CACNG8: variants seen among roughly 807,000 people sequenced by gnomAD.
The protein encoded by CACNG8 is voltage-dependent calcium channel gamma-8 subunit.
In CACNG8, 5 loss-of-function variants were observed where a neutral mutation model predicts 26.9. That is an observed-to-expected ratio of 0.19 (90% CI 0.10 to 0.39). CACNG8 has a LOEUF of 0.39. CACNG8 is among the 10% of genes least tolerant of loss of function. CACNG8 has a pLI of 1.00. For synonymous variants in CACNG8, 321 were observed against 296.7 expected (o/e 1.08, Z -0.84); for missense variants, 473 against 609.4 (o/e 0.78, Z 2.36).
At chr19:53,972,361 C>CTTTTTTTTTTTTTTT (rs577196456) in intron 1 of CACNG8, among the ~76,000 whole-genome samples, 3 of 106,288 alleles carry the variant, frequency 2.8e-5, no homozygotes, top group African/African-American at 7.5e-5. Flanking sequence ...TTCTTCTTTT[C>CTTTTTTTTTTTTTTT]TTTTTTTTTT....
Position 53,982,788 on chromosome 19 carries a change from T to C in CACNG8, c.1217T>C (p.Leu406Pro). 2 of 1,356,820 alleles carry C rather than the reference T, an allele frequency of 1.5e-6. No homozygotes were observed. Among genetic ancestry groups the C allele is most frequent in the Non-Finnish European group, 9.5e-7 (1 of 1,048,118 alleles). The allele number at this position is 1,356,820 out of a possible 1,614,324, so 84.0% of individuals were successfully genotyped here. Residue 406 changes from leucine (L) to proline (P), a missense_variant, in exon 4 of 4, where the codon CTG (leucine) becomes CCG (proline). Physicochemically the swap from Leu to Pro is moderately conservative, Grantham distance 98. Transcript: ENST00000270458. The surrounding 1 kb of genome is among the most constrained non-coding windows in gnomAD (Gnocchi z 8.4). Reference sequence around the variant, plus strand: ...CCCTCTGCGCCCGCCCCCGGGACCCTGGCCAAGGAGGCCGCCGCCTCCAAC... The same window carrying C: ...CCCTCTGCGCCCGCCCCCGGGACCCCGGCCAAGGAGGCCGCCGCCTCCAAC...
At chr19:53,977,946 T>G (rs2069339771) in intron 1 of CACNG8, among the ~76,000 whole-genome samples, 200 bp from the exon 2 acceptor site, 1 of 152,124 alleles carries the variant, frequency 6.6e-6, no homozygotes, top group Admixed American at 6.5e-5. Flanking sequence ...TTCTTTTCTT[T>G]AACAGGCGGG....
Position 53,963,396 on chromosome 19 carries a change from C to T in CACNG8, c.254C>T (p.Ser85Leu), listed in dbSNP as rs767581716. 2 of 1,567,506 alleles carry T rather than the reference C, an allele frequency of 1.3e-6. No individual in the cohort carries two copies. Among genetic ancestry groups the T allele is most frequent in the Non-Finnish European group, 1.7e-6 (2 of 1,165,740 alleles). ...AAGGACCCCGGCGGCCTCACGCACTCGGGCCTCTGGAGGATCTGCTGCCTG... is the reference window on the plus strand; with the variant it reads ...AAGGACCCCGGCGGCCTCACGCACTTGGGCCTCTGGAGGATCTGCTGCCTG... The change falls in exon 1 of 4, where the codon TCG becomes TTG. Residue 85 changes from serine (S) to leucine (L), a missense_variant. By Grantham distance (145) the Ser-to-Leu change is moderately radical. This residue lies in a region of CACNG8 where 69 missense variants were observed against 66.7 expected (regional missense o/e 1.03). Transcript: ENST00000270458.
At chr19:53,977,487 A>G (rs1460918631) in intron 1 of CACNG8, among the ~76,000 whole-genome samples, 1 of 152,120 alleles carries the variant, frequency 6.6e-6, no homozygotes, top group Non-Finnish European at 1.5e-5. Flanking sequence ...TGACCCCTAG[A>G]GGCATACTCC....
chr19:53,963,069 C>A lies in CACNG8; in HGVS notation c.-74C>A, dbSNP rs545505148. The A allele has an allele frequency of 4.1e-5, 40 of 970,468 alleles. No individual in the cohort carries two copies. The highest frequency in any genetic ancestry group is 2.7e-4 in the South Asian group (11 of 41,502). 60.1% of individuals were successfully genotyped at this position (970,468 alleles called of 1,614,324 possible). A position where few individuals can be genotyped will look rare whatever the true frequency, so the allele number is the denominator to read the frequency against. On this transcript the variant is annotated 5_prime_UTR_variant, in exon 1 of 4. Coordinates refer to ENST00000270458, the MANE Select transcript of CACNG8 (RefSeq NM_031895.6). ...GCTTCTGCCTGCGCTGTGAACCCCC[C>A]CCCAGCCGCCGGCACGGCCCCGCCC...
In CACNG8 at chr19:53,989,088, T is replaced by G. The variant is rs1441863024; in HGVS notation, c.*6239T>G. ...TTTGAGACCAGCCTGGGCAATATAG[T>G]AAGACCCCGTCTCTACAAAAATGAA... On this transcript the variant is annotated 3_prime_UTR_variant, in exon 4 of 4. Coordinates refer to ENST00000270458, the MANE Select transcript of CACNG8 (RefSeq NM_031895.6). 3 of 152,162 alleles carry G rather than the reference T, an allele frequency of 2.0e-5. No homozygotes were observed. In the East Asian group the frequency reaches 5.8e-4, roughly 29 times the overall value. The allele number at this position is 152,162 out of a possible 1,614,324, so 9.4% of individuals were successfully genotyped here. A position where few individuals can be genotyped will look rare whatever the true frequency, so the allele number is the denominator to read the frequency against.
rs1362945814 is a variant in CACNG8 at position 53,982,073 on chromosome 19, C to T, written c.509-7C>T. The stretch of plus-strand genomic sequence containing the variant: ...CTCGAGGCTCCCGTCTGACCGTCCC[C>T]GCCCAGGCCTGAGCAACATCATCGG... On this transcript the variant is annotated splice_region_variant and splice_polypyrimidine_tract_variant and intron_variant, in intron 3 of 3. Transcript: ENST00000270458. This position sits in a 1 kb window ranked among gnomAD's most constrained non-coding sequence, Gnocchi z 8.4. The T allele has an allele frequency of 2.6e-6, 4 of 1,556,210 alleles. 1 individual carries two copies. In the South Asian group the frequency reaches 4.8e-5, roughly 18 times the overall value.
intron 2 of CACNG8, among the ~76,000 whole-genome samples, chr19:53,979,564 C>G (rs1600034981): frequency 6.6e-6 from 1 of 151,640 alleles, no homozygotes; most frequent in East Asian, 1.9e-4. Flanking sequence ...GGGAGAAAAA[C>G]AGGGAGAGTG....
At chr19:53,974,201 C>A (rs1342732235) in intron 1 of CACNG8, among the ~76,000 whole-genome samples, 1 of 152,146 alleles carries the variant, frequency 6.6e-6, no homozygotes, top group African/African-American at 2.4e-5. Flanking sequence ...AGTGGAATGA[C>A]ACAGTATTTG....
intron 2 of CACNG8, 125 bp from the exon 3 acceptor site, chr19:53,979,741 GC>G (rs1600035130): frequency 1.0e-6 from 1 of 984,834 alleles, no homozygotes. Context: ...CCAGAACACA[GC>G]CGGAGAGAGA....
In CACNG8 at chr19:53,983,826, G is replaced by C. The variant is rs2069390863; in HGVS notation, c.*977G>C. The C allele has an allele frequency of 6.5e-6, 1 of 152,896 alleles. No homozygotes were observed. The highest frequency in any genetic ancestry group is 2.4e-5 in the African/African-American group (1 of 41,478). 9.5% of individuals were successfully genotyped at this position (152,896 alleles called of 1,614,324 possible). On this transcript the variant is annotated 3_prime_UTR_variant, in exon 4 of 4. Transcript: ENST00000270458. ...GGGCAGGAAGGAGCTTGCAGCGAGG[G>C]CTGAAGGGTAGTGAGGCAGGTGAGC...
chr19:53,979,572 G>C (rs757166146), intron 2 of CACNG8, among the ~76,000 whole-genome samples: 1 of 151,910 alleles, frequency 6.6e-6, no homozygotes, highest in Non-Finnish European at 1.5e-5. Flanking sequence ...AACAGGGAGA[G>C]TGATTTCGAT....
intron 3 of CACNG8, 48 bp downstream of exon 3, chr19:53,980,055 CACGTGTGTGTGT>C: frequency 6.5e-7 from 1 of 1,534,078 alleles, no homozygotes. Context: ...CCTGGGCGCG[CACGTGTGTGTGT>C]GTGTGTGTGT....
intron 3 of CACNG8, among the ~76,000 whole-genome samples, chr19:53,981,523 T>C (rs1325051564): frequency 6.6e-6 from 1 of 151,914 alleles, no homozygotes; most frequent in Non-Finnish European, 1.5e-5. Flanking sequence ...GGGTGGGTCC[T>C]AGACCACCTG....
chr19:53,968,724 G>A (rs989668699), intron 1 of CACNG8, among the ~76,000 whole-genome samples: 1 of 141,382 alleles, frequency 7.1e-6, no homozygotes, highest in Non-Finnish European at 1.5e-5. Flanking sequence ...AGCTGAGATC[G>A]TGCCACTGCA....
intron 1 of CACNG8, 147 bp downstream of exon 1, chr19:53,963,572 G>T (rs1035088031): frequency 2.6e-6 from 2 of 759,486 alleles, no homozygotes; most frequent in Non-Finnish European, 2.0e-6. Context: ...TCCCACTCGC[G>T]CCCCTGACCT....
At chr19:53,975,381 CT>C (rs913896055) in intron 1 of CACNG8, among the ~76,000 whole-genome samples, 14 of 147,992 alleles carry the variant, frequency 9.5e-5, no homozygotes, top group African/African-American at 2.6e-4. Flanking sequence ...TTCAATCATT[CT>C]TTTTTTTTCT....
chr19:53,970,668 CA>C (rs1381922379), intron 1 of CACNG8, among the ~76,000 whole-genome samples: 1 of 151,582 alleles, frequency 6.6e-6, no homozygotes, highest in Non-Finnish European at 1.5e-5. Context: ...GCCACTGGCT[CA>C]CCCCTGTAAT....
At chr19:53,965,983 C>T (rs910994749) in intron 1 of CACNG8, among the ~76,000 whole-genome samples, 1 of 152,020 alleles carries the variant, frequency 6.6e-6, no homozygotes, top group African/African-American at 2.4e-5. Context: ...GTGAGGTCAG[C>T]GTGGCCGGGG....
Sources: gnomAD v4.1 joint callset for allele counts (sites outside exome capture counted in the v4.1 genomes callset) on GRCh38, gnomAD v4.1.1 for gene constraint, gnomAD v4.1.1 regional missense constraint, Gnocchi (gnomAD v3.1) non-coding constraint, MANE v1.5 for transcripts, NCBI Gene and HGNC (gene_info 2026-07-23, HGNC 2026-07-21) for gene names.